The following UGT2A1 variants were observed in gnomAD, a reference collection of about 807,000 sequenced individuals.
UGT2A1 encodes UDP-glucuronosyltransferase 2A1.
A neutral mutation model predicts 45.4 loss-of-function variants in UGT2A1; 61 were observed. The ratio of observed to expected loss-of-function variants is 1.34; its 90% CI spans 1.09 to 1.66. UGT2A1 has a LOEUF of 1.66. UGT2A1 is among the 40% of genes most tolerant of loss of function. The pLI, the probability that UGT2A1 is intolerant of heterozygous loss-of-function variation, is 0.00. For missense variants in UGT2A1, 649 were observed against 574.3 expected, an observed-to-expected ratio of 1.13 and a Z score of -1.33; for synonymous variants, 229 against 196.2, an observed-to-expected ratio of 1.17 and a Z score of -1.40.
chr4:69,599,470 A>G, intron 3 of UGT2A1, 76 bp from the exon 4 acceptor site: 1 of 1,577,392 alleles, frequency 6.3e-7, no homozygotes, highest in Non-Finnish European at 8.5e-7. Flanking sequence ...GCTACCAGTA[A>G]TTTCCTGATA....
intron 1 of UGT2A1, among the ~76,000 whole-genome samples, chr4:69,651,236 C>G (rs1205617910): frequency 6.6e-6 from 1 of 152,132 alleles, no homozygotes; most frequent in South Asian, 2.1e-4. Context: ...AAAGATTTGG[C>G]CTAAAATGTG....
At chr4:69,609,844 A>G (rs777208343) in intron 3 of UGT2A1, among the ~76,000 whole-genome samples, 7 of 152,200 alleles carry the variant, frequency 4.6e-5, no homozygotes, top group East Asian at 1.9e-4. Flanking sequence ...ATGTCATGCT[A>G]TAGTCACCTG....
chr4:69,614,697 C>T (rs1720269283), intron 3 of UGT2A1, among the ~76,000 whole-genome samples: 1 of 151,984 alleles, frequency 6.6e-6, no homozygotes, highest in South Asian at 2.1e-4. Context: ...TTCAACAAAG[C>T]TGCCAAATAC....
rs575455885 is a variant in UGT2A1 at position 69,607,403 on chromosome 4, T to A, written c.848-8009A>T. On this transcript the variant is annotated intron_variant, in intron 3 of 6. Transcript: ENST00000286604. ...GAACCTGGATCCCTTCCTTACACCT[T>A]ATACAAAAATTAATTCAAGCTGGAT... Among the ~76,000 whole-genome samples the A allele has an allele frequency of 9.9e-5, 15 of 151,974 alleles. No homozygotes were observed. The East Asian group carries it at 1.7e-3, about 18-fold the overall frequency.
chr4:69,625,313 T>G (rs1720990709), intron 3 of UGT2A1, among the ~76,000 whole-genome samples: 1 of 151,060 alleles, frequency 6.6e-6, no homozygotes, highest in East Asian at 1.9e-4. Context: ...CTTGGATCTA[T>G]TTGTATATGG....
chr4:69,605,457 C>CAAG (rs1405757147), intron 3 of UGT2A1, among the ~76,000 whole-genome samples: 1 of 136,626 alleles, frequency 7.3e-6, no homozygotes, highest in Admixed American at 7.2e-5. Flanking sequence ...TAAATGCCCA[C>CAAG]AGAACAGAGC....
At chr4:69,648,174 T>C (rs56870015) in intron 1 of UGT2A1, among the ~76,000 whole-genome samples, 33,894 of 149,516 alleles carry the variant, frequency 0.23, 4,112 homozygotes, top group Non-Finnish European at 0.25. Context: ...ATAATATGTA[T>C]AAATATATTA....
intron 3 of UGT2A1, among the ~76,000 whole-genome samples, chr4:69,620,910 C>T (rs1720714707): frequency 6.6e-6 from 1 of 151,852 alleles, no homozygotes; most frequent in Admixed American, 6.6e-5. Context: ...AAAAGGATTC[C>T]CTATTCAATA....
intron 5 of UGT2A1, 62 bp from the exon 6 acceptor site, chr4:69,594,758 G>T: frequency 6.5e-7 from 1 of 1,534,940 alleles, no homozygotes; most frequent in Non-Finnish European, 8.8e-7. Context: ...GAATTTGAGA[G>T]ACAGAAGGGG....
At chr4:69,646,825 C>T (rs1283102037) in intron 2 of UGT2A1, 105 bp downstream of exon 2, 2 of 764,010 alleles carry the variant, frequency 2.6e-6, no homozygotes, top group Non-Finnish European at 4.1e-6. Flanking sequence ...TATAGTACAT[C>T]AATACTTGGA....
At chr4:69,603,352 C>T (rs11733854) in intron 3 of UGT2A1, among the ~76,000 whole-genome samples, 24,950 of 135,628 alleles carry the variant, frequency 0.18, 6,051 homozygotes, top group Non-Finnish European at 0.22. Context: ...AAGATGCAGG[C>T]ATGCAGGAAA....
rs1224117972 is a variant in UGT2A1, at chr4:69,604,103, GAC to G, written c.848-4711_848-4710del. ...TACTCCTCGAGAAGAGCAACTCCAAGACACATAATTGTCAGACTCACCAAAGT... is the reference window on the plus strand; with the variant it reads ...TACTCCTCGAGAAGAGCAACTCCAAGACATAATTGTCAGACTCACCAAAGT... On this transcript the variant is annotated intron_variant, in intron 3 of 6. Transcript: ENST00000286604. Among the ~76,000 whole-genome samples the G allele has an allele frequency of 1.5e-5, 2 of 135,532 alleles. 1 individual carries two copies. Among genetic ancestry groups the G allele is most frequent in the African/African-American group, 6.0e-5 (2 of 33,218 alleles). The allele number at this position is 135,532 out of a possible 152,430, so 88.9% of individuals were successfully genotyped here.
In UGT2A1 at chr4:69,588,576, A is replaced by C. The variant is rs917365889; in HGVS notation, c.*796T>G. 2.6e-5 allele frequency: 4 copies of C among 152,100 alleles called. No homozygotes were observed. The highest frequency in any genetic ancestry group is 4.4e-5 in the Non-Finnish European group (3 of 67,986). The allele number at this position is 152,100 out of a possible 1,614,324, so 9.4% of individuals were successfully genotyped here. On this transcript the variant is annotated 3_prime_UTR_variant, in exon 7 of 7. Coordinates refer to ENST00000286604, the MANE Select transcript of UGT2A1 (RefSeq NM_001252275.3). Reference sequence around the variant, plus strand: ...TGACTAAAAATTTTATAAAAATGATAATTATTTTCTAGATTTCTAATTGTT... The same window carrying C: ...TGACTAAAAATTTTATAAAAATGATCATTATTTTCTAGATTTCTAATTGTT...
chr4:69,640,116 T>A (rs535830209), intron 2 of UGT2A1, among the ~76,000 whole-genome samples: 2 of 152,098 alleles, frequency 1.3e-5, no homozygotes, highest in African/African-American at 4.8e-5. Context: ...TTCTTCCATA[T>A]GACACAGATC....
chr4:69,604,413 G>A lies in UGT2A1; in HGVS notation c.848-5019C>T, dbSNP rs1451618682. ...CCAGGCCCGCCCTAAAAGAGCTCCT[G>A]AAGGAAGCACTAAACATAGAAAGGA... On this transcript the variant is annotated intron_variant, in intron 3 of 6. Transcript: ENST00000286604. Among the ~76,000 whole-genome samples the A allele has an allele frequency of 1.5e-5, 2 of 136,784 alleles. 1 individual carries two copies. The highest frequency in any genetic ancestry group is 3.1e-5 in the Non-Finnish European group (2 of 64,306). 89.7% of individuals were successfully genotyped at this position (136,784 alleles called of 152,430 possible).
chr4:69,603,762 T>A (rs992685701), intron 3 of UGT2A1: 1 of 136,016 alleles, frequency 7.4e-6, no homozygotes, highest in Non-Finnish European at 1.6e-5. Context: ...AAGAACTACG[T>A]GACAAATGCA....
At chr4:69,617,286 C>A (rs1341190022) in intron 3 of UGT2A1, among the ~76,000 whole-genome samples, 1 of 151,794 alleles carries the variant, frequency 6.6e-6, no homozygotes, top group East Asian at 1.9e-4. Context: ...ATCTGCTGCC[C>A]TCCTATGGAT....
rs1391804937 is a variant in UGT2A1, at chr4:69,647,011, T to C, written c.634A>G (p.Asn212Asp). The C allele has an allele frequency of 1.9e-6, 3 of 1,612,450 alleles. No homozygotes were observed. In the African/African-American group the frequency reaches 4.0e-5, roughly 22 times the overall value. Residue 212 changes from asparagine to aspartate, a missense_variant, in exon 2 of 7, where the codon AAT becomes GAT. Coordinates refer to ENST00000286604, the MANE Select transcript of UGT2A1 (RefSeq NM_001252275.3). ...DQMSFTDRIR[N>D]FISYHLQDYM... ...TCCTGTAGGTGGTAGGAGATGAAAT[T>C]TCTTATTCTGTCAGTGAAAGACATT... is the stretch of plus-strand genomic sequence containing the variant.
At chr4:69,627,542 GA>G (rs1721144344) in intron 3 of UGT2A1, among the ~76,000 whole-genome samples, 1 of 104,436 alleles carries the variant, frequency 9.6e-6, no homozygotes, top group Non-Finnish European at 2.4e-5. Flanking sequence ...GAAAGAGAGA[GA>G]GAGAAAGAGA....
Sources: gnomAD v4.1 joint callset for allele counts (sites outside exome capture counted in the v4.1 genomes callset) on GRCh38, gnomAD v4.1.1 for gene constraint, MANE v1.5 for transcripts, NCBI Gene and HGNC (gene_info 2026-07-23, HGNC 2026-07-21) for gene names.